Variants in F13B observed in about 807,000 individuals in gnomAD.
The protein encoded by F13B is coagulation factor XIII B chain, also known as TGase.
Under a neutral mutation model 79.8 loss-of-function variants are expected in F13B, and 58 were observed. That is an observed-to-expected ratio of 0.73 (90% CI 0.59 to 0.90). The LOEUF (loss-of-function observed/expected upper bound fraction) is 0.90, where lower values mean the gene tolerates loss of function less well. Among genes scored for constraint, F13B ranks in the 40% least tolerant of loss-of-function variants. F13B has a pLI of 0.00. For synonymous variants in F13B, 283 were observed against 260.3 expected, an observed-to-expected ratio of 1.09 and a Z score of -0.84; for missense variants, 773 against 777.0, an observed-to-expected ratio of 0.99 and a Z score of 0.06.
chr1:197,050,892 G>T lies in F13B; in HGVS notation c.1556-13C>A, dbSNP rs149088047. ...ATTCCTTTAGATTCTGCAAAAATAA[G>T]TTTTAAAGTATACAATGAATTGCTA... On this transcript the variant is annotated splice_polypyrimidine_tract_variant and intron_variant, in intron 9 of 11. Transcript: ENST00000367412. 1.4e-3 allele frequency: 2,326 copies of T among 1,607,192 alleles called. 19 individuals carry two copies. Among genetic ancestry groups the T allele is most frequent in the South Asian group, 0.011 (986 of 90,874 alleles).
intron 10 of F13B, among the ~76,000 whole-genome samples, chr1:197,048,701 C>A (rs857019): frequency 1 from 152,232 of 152,232 alleles, 76,116 homozygotes; most frequent in Non-Finnish European, 1. Flanking sequence ...TGCTTCTCTC[C>A]GTGATTGATA....
rs1056143305 is a variant in F13B, at chr1:197,056,934, G to A, written c.1171+79C>T. ...TGCCTAAGCAGTGGTCTTTTCCTAG[G>A]AATATTCAGATTAAAGTAACAGAAT... On this transcript the variant is annotated intron_variant, in intron 7 of 11. Transcript: ENST00000367412. 3.4e-6 allele frequency: 5 copies of A among 1,473,566 alleles called. No homozygotes were observed. The Admixed American group carries it at 6.9e-5, about 20-fold the overall frequency. 91.3% of individuals were successfully genotyped at this position (1,473,566 alleles called of 1,614,324 possible).
At position 197,061,940 on chromosome 1, in the gene F13B, C is replaced by A. The variant is rs767417732; in HGVS notation, c.295G>T (p.Gly99Cys). 8 of 1,612,296 alleles carry A rather than the reference C, an allele frequency of 5.0e-6. No individual in the cohort carries two copies. Among genetic ancestry groups the A allele is most frequent in the South Asian group, 2.2e-5 (2 of 91,022 alleles). The change falls in exon 3 of 12, where the codon GGT becomes TGT. Residue 99 changes from glycine to cysteine, a missense_variant. Physicochemically the swap from Gly to Cys is radical, Grantham distance 159. Transcript: ENST00000367412. ...KKCTKPDLSN[G>C]YISDVKLLYK... is the part of the protein sequence containing the mutation. ...AATAACTTTACATCAGAGATGTAAC[C>A]ATTACTCAGGTCAGGCTTAGTGCAT...
intron 7 of F13B, among the ~76,000 whole-genome samples, chr1:197,056,387 T>A (rs188641486): frequency 1.3e-5 from 2 of 152,264 alleles, no homozygotes. Flanking sequence ...TTAATAAATA[T>A]CCTAGATAAA....
rs935307660 is a variant in F13B, at chr1:197,048,601, G to A, written c.1738+2096C>T. ...AGATTTAGTGTCTCAATTTGTGTGT[G>A]TACCTAATGAAATAGTATCAAAATA... On this transcript the variant is annotated intron_variant, in intron 10 of 11. Transcript: ENST00000367412. Among the ~76,000 whole-genome samples the A allele has an allele frequency of 3.3e-5, 5 of 151,954 alleles. No individual in the cohort carries two copies. In the East Asian group the frequency reaches 7.7e-4, roughly 23 times the overall value.
At chr1:197,042,442 A>G (rs1382653636) in intron 10 of F13B, among the ~76,000 whole-genome samples, 1 of 152,104 alleles carries the variant, frequency 6.6e-6, no homozygotes, top group Non-Finnish European at 1.5e-5. Flanking sequence ...GAAAAACAGG[A>G]AGCATTTCGA....
chr1:197,040,399 T>G, intron 11 of F13B, 123 bp downstream of exon 11: 1 of 680,644 alleles, frequency 1.5e-6, no homozygotes, highest in South Asian at 1.9e-5. Context: ...ATGAAGAAAA[T>G]ATTATTATTT....
intron 10 of F13B, among the ~76,000 whole-genome samples, chr1:197,041,265 A>G (rs973770802): frequency 5.3e-5 from 8 of 152,170 alleles, no homozygotes; most frequent in Non-Finnish European, 8.8e-5. Flanking sequence ...TCAAATTTCT[A>G]GTTAAGAAAT....
chr1:197,047,292 A>C (rs902814629), intron 10 of F13B, among the ~76,000 whole-genome samples: 19 of 152,306 alleles, frequency 1.2e-4, no homozygotes, highest in Admixed American at 2.6e-4. Context: ...AGAATCTACA[A>C]AGAGCTTAAA....
At chr1:197,046,348 C>A (rs1194731209) in intron 10 of F13B, among the ~76,000 whole-genome samples, 1 of 152,114 alleles carries the variant, frequency 6.6e-6, no homozygotes, top group Non-Finnish European at 1.5e-5. Flanking sequence ...GCAAAAATCA[C>A]AAGCATTCCT....
intron 9 of F13B, among the ~76,000 whole-genome samples, chr1:197,052,206 G>A (rs1571559450): frequency 6.6e-6 from 1 of 151,976 alleles, no homozygotes; most frequent in Admixed American, 6.6e-5. Flanking sequence ...TTTGTATAAG[G>A]TGTAATCACA....
In F13B at chr1:197,063,065, G is replaced by T; in HGVS notation, c.65-8C>A. On this transcript the variant is annotated splice_region_variant and splice_polypyrimidine_tract_variant and intron_variant, in intron 1 of 11. Transcript: ENST00000367412. ...GAAAACCACAGGGTTTCTCTGAAAT[G>T]AGTAAATGTCAAGCTGAAAATGGAA... 1.2e-6 allele frequency: 2 copies of T among 1,605,296 alleles called. No homozygotes were observed. The highest frequency in any genetic ancestry group is 2.2e-5 in the South Asian group (2 of 90,708).
chr1:197,050,775 A>C lies in F13B; in HGVS notation c.1660T>G (p.Phe554Val). ...GATCCTTCTAGGAAATGGTGATCAA[A>C]ACATCTGTATTCTACTGAAGAGCCA... The part of the protein sequence containing the change: ...ENGSSVEYRC[F>V]DHHFLEGSRE... The change falls in exon 10 of 12, where the codon TTT becomes GTT. Residue 554 changes from phenylalanine (F) to valine (V), a missense_variant. Coordinates refer to ENST00000367412, the MANE Select transcript of F13B (RefSeq NM_001994.3). 6.2e-7 allele frequency: 1 copy of C among 1,613,476 alleles called. No homozygotes were observed. Among genetic ancestry groups the C allele is most frequent in the Non-Finnish European group, 8.5e-7 (1 of 1,179,630 alleles).
intron 2 of F13B, 98 bp downstream of exon 2, chr1:197,062,759 A>C: frequency 8.6e-7 from 1 of 1,164,874 alleles, no homozygotes; most frequent in Non-Finnish European, 1.3e-6. Flanking sequence ...CTTATCTACT[A>C]AAAGGTTTAA....
chr1:197,041,006 T>C (rs140668991), intron 10 of F13B, among the ~76,000 whole-genome samples: 1 of 152,264 alleles, frequency 6.6e-6, no homozygotes, highest in Admixed American at 6.5e-5. Context: ...ATTTTAGTTT[T>C]ATGTCATTAG....
At chr1:197,066,019 G>C (rs901861258) in intron 1 of F13B, among the ~76,000 whole-genome samples, 5 of 151,584 alleles carry the variant, frequency 3.3e-5, no homozygotes, top group African/African-American at 1.2e-4. Context: ...GTGTAAAATA[G>C]CATTATAACC....
chr1:197,060,578 T>G, intron 4 of F13B, 36 bp from the exon 5 acceptor site: 1 of 1,437,148 alleles, frequency 7.0e-7, no homozygotes, highest in Non-Finnish European at 9.7e-7. Flanking sequence ...TACAAACAAA[T>G]GTTTATTTTT....
intron 9 of F13B, among the ~76,000 whole-genome samples, chr1:197,052,091 A>G (rs188116549): frequency 3.9e-5 from 6 of 152,110 alleles, no homozygotes; most frequent in Admixed American, 3.9e-4. Flanking sequence ...GTCATTAAGT[A>G]TTTGCCCATG....
intron 3 of F13B, among the ~76,000 whole-genome samples, chr1:197,061,489 G>T (rs1339345401): frequency 6.6e-6 from 1 of 151,978 alleles, no homozygotes; most frequent in Non-Finnish European, 1.5e-5. Flanking sequence ...AAATTCTTCT[G>T]TAATAAAGGA....
Sources: gnomAD v4.1 joint callset for allele counts (sites outside exome capture counted in the v4.1 genomes callset) on GRCh38, gnomAD v4.1.1 for gene constraint, MANE v1.5 for transcripts, NCBI Gene and HGNC (gene_info 2026-07-23, HGNC 2026-07-21) for gene names.